The following RYR2 variants were observed in gnomAD, a reference collection of about 807,000 sequenced individuals.
RYR2 encodes ryanodine receptor 2, also known as cardiac muscle ryanodine receptor-calcium release channel.
A neutral mutation model predicts 601.1 loss-of-function variants in RYR2; 227 were observed. The observed-to-expected ratio is 0.38, with a 90% CI of 0.34 to 0.42. The LOEUF (loss-of-function observed/expected upper bound fraction) is 0.42, where lower values mean the gene tolerates loss of function less well. Ranked by LOEUF, RYR2 falls within the 10% of genes least tolerant of loss-of-function variation. The pLI, the probability that RYR2 is intolerant of heterozygous loss-of-function variation, is 1.00. For missense variants in RYR2, 4,646 were observed against 6,156.5 expected (o/e 0.75, Z 8.21); for synonymous variants, 2,223 against 2,175.1 (o/e 1.02, Z -0.61).
chr1:237,042,418 C>G lies in RYR2; in HGVS notation c.-104C>G, dbSNP rs1186466093. On this transcript the variant is annotated 5_prime_UTR_variant, in exon 1 of 105. Transcript: ENST00000366574. Reference sequence around the variant, plus strand: ...CACCCGGCAGCGCGGCCCCCTCCAGCCCCCGGCTCCCGGCAGCAGAAGCAG... The same window carrying G: ...CACCCGGCAGCGCGGCCCCCTCCAGGCCCCGGCTCCCGGCAGCAGAAGCAG... 3 of 1,107,548 alleles carry G rather than the reference C, an allele frequency of 2.7e-6. No homozygotes were observed. The highest frequency in any genetic ancestry group is 2.3e-6 in the Non-Finnish European group (2 of 879,024). 68.6% of individuals were successfully genotyped at this position (1,107,548 alleles called of 1,614,324 possible).
rs1398372635 is a variant in RYR2, at chr1:237,377,400, C to T, written c.541C>T (p.Leu181Phe). 1 of 1,613,654 alleles carries T rather than the reference C, an allele frequency of 6.2e-7. No individual in the cohort carries two copies. The highest frequency in any genetic ancestry group is 8.5e-7 in the Non-Finnish European group (1 of 1,179,682). ...AGAAAAAGTACGAGTTGGAGATGAC[C>T]TCATCTTAGTTAGCGTGTCCTCTGA... Reference protein sequence around the residue: ...EGEKVRVGDDLILVSVSSERY... With the variant: ...EGEKVRVGDDFILVSVSSERY... Residue 181 changes from leucine (L) to phenylalanine (F), a missense_variant, in exon 8 of 105, where the codon CTC becomes TTC. Transcript: ENST00000366574.
At chr1:237,661,920 C>A (rs1468909267) in intron 56 of RYR2, among the ~76,000 whole-genome samples, 2 of 152,176 alleles carry the variant, frequency 1.3e-5, no homozygotes, top group Non-Finnish European at 2.9e-5. Flanking sequence ...GTCACGAGGT[C>A]ATGTGAGCTG....
At chr1:237,522,269 A>G (rs901752562) in intron 24 of RYR2, among the ~76,000 whole-genome samples, 3 of 152,226 alleles carry the variant, frequency 2.0e-5, no homozygotes, top group African/African-American at 7.2e-5. Flanking sequence ...CATAAAATAC[A>G]CTATAATACT....
rs919819670 is a variant in RYR2 at position 237,486,708 on chromosome 1, A to G, written c.1709-5098A>G. ...CTTCCTATTGTTTTATGATTCTTTTAAAATACGTTTCTTACTATAAAAGTT... is the reference window on the plus strand; with the variant it reads ...CTTCCTATTGTTTTATGATTCTTTTGAAATACGTTTCTTACTATAAAAGTT... On this transcript the variant is annotated intron_variant, in intron 17 of 104. Transcript: ENST00000366574. Among the ~76,000 whole-genome samples the G allele has an allele frequency of 2.6e-5, 4 of 152,266 alleles. No homozygotes were observed. In the South Asian group the frequency reaches 6.2e-4, roughly 24 times the overall value.
chr1:237,515,127 C>T (rs112980411), intron 24 of RYR2, among the ~76,000 whole-genome samples: 16 of 152,092 alleles, frequency 1.1e-4, no homozygotes, highest in Non-Finnish European at 1.9e-4. Context: ...GTGTATCGTA[C>T]GGTACTGCGA....
intron 2 of RYR2, among the ~76,000 whole-genome samples, chr1:237,305,438 TTTTTTA>T (rs1693775462): frequency 6.6e-6 from 1 of 152,186 alleles, no homozygotes; most frequent in African/African-American, 2.4e-5. Flanking sequence ...ACTCAGCAAA[TTTTTTA>T]TTTTTGAGAC....
At chr1:237,087,917 C>T (rs947072497) in intron 1 of RYR2, among the ~76,000 whole-genome samples, 1 of 152,186 alleles carries the variant, frequency 6.6e-6, no homozygotes, top group Non-Finnish European at 1.5e-5. Flanking sequence ...TGGTATTCAA[C>T]ACAATTAGTT....
At chr1:237,367,010 G>A (rs1700251299) in intron 5 of RYR2, among the ~76,000 whole-genome samples, 2 of 152,144 alleles carry the variant, frequency 1.3e-5, no homozygotes, top group East Asian at 1.9e-4. Context: ...ATTCTCTGAA[G>A]GAGTATAGTT....
intron 80 of RYR2, among the ~76,000 whole-genome samples, chr1:237,747,453 A>C (rs6661404): frequency 6.6e-6 from 1 of 152,218 alleles, no homozygotes; most frequent in African/African-American, 2.4e-5. Context: ...TAACATACTC[A>C]AACCAATACC....
chr1:237,248,480 C>A (rs886812488), intron 1 of RYR2, among the ~76,000 whole-genome samples: 1 of 152,004 alleles, frequency 6.6e-6, no homozygotes, highest in African/African-American at 2.4e-5. Context: ...CCCAGAGATT[C>A]CCAGGCTGGA....
chr1:237,075,514 C>G (rs1272019751), intron 1 of RYR2, among the ~76,000 whole-genome samples: 2 of 117,542 alleles, frequency 1.7e-5, no homozygotes, highest in African/African-American at 3.3e-5. Context: ...AAAGGGGTGA[C>G]GGACGCACCT....
intron 79 of RYR2, among the ~76,000 whole-genome samples, chr1:237,738,164 G>A (rs1691308611): frequency 6.6e-6 from 1 of 152,148 alleles, no homozygotes; most frequent in Non-Finnish European, 1.5e-5. Flanking sequence ...ACTGTTGTAT[G>A]TGTCTTCCTC....
intron 92 of RYR2, among the ~76,000 whole-genome samples, chr1:237,790,485 G>C (rs1187318845): frequency 6.6e-6 from 1 of 151,952 alleles, no homozygotes; most frequent in African/African-American, 2.4e-5. Context: ...TAGCTGGAGT[G>C]GGCCTTCCAA....
intron 35 of RYR2, among the ~76,000 whole-genome samples, chr1:237,609,994 A>C (rs1191808553): frequency 6.6e-6 from 1 of 152,108 alleles, no homozygotes; most frequent in African/African-American, 2.4e-5. Flanking sequence ...GAAGTAGTCT[A>C]CAGCATGCAG....
chr1:237,619,309 C>G (rs141808175), intron 38 of RYR2, among the ~76,000 whole-genome samples: 1 of 151,968 alleles, frequency 6.6e-6, no homozygotes, highest in Non-Finnish European at 1.5e-5. Flanking sequence ...AAAGCCTCAA[C>G]GGCAGAGAAA....
intron 17 of RYR2, among the ~76,000 whole-genome samples, chr1:237,486,116 G>A (rs1345086996): frequency 2.0e-5 from 3 of 152,128 alleles, no homozygotes; most frequent in Admixed American, 6.6e-5. Context: ...AATGACTTCA[G>A]GTTTTTAGCT....
chr1:237,651,368 G>A, intron 50 of RYR2, 43 bp from the exon 51 acceptor site: 1 of 1,351,036 alleles, frequency 7.4e-7, no homozygotes, highest in East Asian at 2.4e-5. Context: ...ACTTAGTTTA[G>A]AAACATTTCT....
intron 47 of RYR2, 23 bp downstream of exon 47, chr1:237,641,025 G>A (rs767168420): frequency 1.3e-6 from 2 of 1,551,752 alleles, no homozygotes; most frequent in Admixed American, 1.7e-5. Context: ...GAGTTCAGGA[G>A]CAGCAATCCT....
rs760307217 is a variant in RYR2, at chr1:237,330,410, C to T, written c.169-468C>T. On this transcript the variant is annotated intron_variant, in intron 2 of 104. Transcript: ENST00000366574. ...TTTGTTGTTGTTGTTGTTTTTGAGA[C>T]GGAGTCTCGCTCTGTCGCCAGGTCT... is the stretch of plus-strand genomic sequence containing the variant. 5.3e-5 allele frequency among the ~76,000 whole-genome samples: 8 copies of T among 152,152 alleles called. No individual in the cohort carries two copies. The East Asian group carries it at 9.6e-4, about 18-fold the overall frequency.
Sources: allele counts gnomAD v4.1 joint callset (sites outside exome capture counted in the v4.1 genomes callset), GRCh38; gene constraint gnomAD v4.1.1; transcripts MANE v1.5; gene names NCBI Gene and HGNC (gene_info 2026-07-23, HGNC 2026-07-21).